Variants in WWOX observed in about 807,000 individuals in gnomAD.
WWOX encodes the protein WW domain containing oxidoreductase.
Under a neutral mutation model 46.2 loss-of-function variants are expected in WWOX, and 69 were observed. That is an observed-to-expected ratio of 1.49 (90% CI 1.23 to 1.82). The LOEUF (loss-of-function observed/expected upper bound fraction) is 1.82. Among genes scored for constraint, WWOX ranks in the 40% most tolerant of loss-of-function variants. WWOX has a pLI of 0.00. For missense variants in WWOX, 919 were observed against 542.6 expected, an observed-to-expected ratio of 1.69 and a Z score of -6.89; for synonymous variants, 359 against 202.6, an observed-to-expected ratio of 1.77 and a Z score of -6.56.
chr16:79,028,306 C>T (rs1336620807), intron 8 of WWOX, among the ~76,000 whole-genome samples: 2 of 151,780 alleles, frequency 1.3e-5, no homozygotes, highest in Admixed American at 6.6e-5. Flanking sequence ...ATGGAAAGTT[C>T]CCCTGGATGT....
At chr16:79,207,840 T>G (rs1333789390) in intron 8 of WWOX, among the ~76,000 whole-genome samples, 3 of 152,168 alleles carry the variant, frequency 2.0e-5, no homozygotes. Flanking sequence ...TACCCTTTCC[T>G]TTAAAGGAGT....
intron 8 of WWOX, among the ~76,000 whole-genome samples, chr16:79,076,891 T>G (rs2048667375): frequency 6.6e-6 from 1 of 152,258 alleles, no homozygotes; most frequent in African/African-American, 2.4e-5. Context: ...TATTGTTTTA[T>G]GCGTATTGTC....
chr16:78,350,406 C>T (rs1197273504), intron 5 of WWOX, among the ~76,000 whole-genome samples: 2 of 120,932 alleles, frequency 1.7e-5, no homozygotes, highest in Admixed American at 1.6e-4. Context: ...TTCATTTTCC[C>T]AAAAAGAAAC....
intron 8 of WWOX, among the ~76,000 whole-genome samples, chr16:79,092,770 G>A (rs1404768455): frequency 6.6e-6 from 1 of 152,062 alleles, no homozygotes; most frequent in Non-Finnish European, 1.5e-5. Flanking sequence ...TAATGTAAAC[G>A]TTGTTGAAAA....
intron 8 of WWOX, among the ~76,000 whole-genome samples, chr16:79,141,954 G>C (rs1046391506): frequency 1.3e-5 from 2 of 152,172 alleles, no homozygotes; most frequent in East Asian, 1.9e-4. Context: ...ATTGTGATAA[G>C]CCCGTCTAGC....
chr16:79,114,900 G>A (rs1206116273), intron 8 of WWOX, among the ~76,000 whole-genome samples: 1 of 152,188 alleles, frequency 6.6e-6, no homozygotes, highest in Non-Finnish European at 1.5e-5. Flanking sequence ...CAGCCCATTG[G>A]TGATGACACA....
chr16:78,511,224 C>T (rs190404553), intron 8 of WWOX, among the ~76,000 whole-genome samples: 1 of 152,202 alleles, frequency 6.6e-6, no homozygotes, highest in Non-Finnish European at 1.5e-5. Context: ...TTACCTCCCC[C>T]TCCCCAGCGC....
chr16:79,048,745 A>C (rs1180631102), intron 8 of WWOX, among the ~76,000 whole-genome samples: 1 of 152,096 alleles, frequency 6.6e-6, no homozygotes, highest in Admixed American at 6.5e-5. Context: ...CAGACCCAGC[A>C]CTCCGGCTGC....
chr16:78,307,713 C>T (rs1248108353), intron 5 of WWOX, among the ~76,000 whole-genome samples: 1 of 152,294 alleles, frequency 6.6e-6, no homozygotes, highest in African/African-American at 2.4e-5. Flanking sequence ...GAAACTCATA[C>T]AAGTATGAAT....
intron 8 of WWOX, among the ~76,000 whole-genome samples, chr16:78,578,254 T>TTTTATATATATATATATA (rs1462537260): frequency 6.3e-5 from 2 of 31,646 alleles, no homozygotes; most frequent in East Asian, 2.2e-3. Flanking sequence ...ATACCAAATT[T>TTTTATATATATATATATA]TATATATATA....
At chr16:79,131,990 A>G (rs1029302926) in intron 8 of WWOX, among the ~76,000 whole-genome samples, 1 of 152,070 alleles carries the variant, frequency 6.6e-6, no homozygotes, top group African/African-American at 2.4e-5. Context: ...ATAGTACAGG[A>G]AAGACCCACC....
chr16:78,315,282 CTG>C (rs926753285), intron 5 of WWOX, among the ~76,000 whole-genome samples: 1 of 152,166 alleles, frequency 6.6e-6, no homozygotes, highest in East Asian at 1.9e-4. Context: ...AGAAGTGAAA[CTG>C]TTTTTTTTCC....
At chr16:78,104,422 T>G (rs1259779565) in intron 1 of WWOX, among the ~76,000 whole-genome samples, 1 of 152,152 alleles carries the variant, frequency 6.6e-6, no homozygotes, top group African/African-American at 2.4e-5. Context: ...GAGGATCGCC[T>G]GAGCCCAGGA....
intron 6 of WWOX, among the ~76,000 whole-genome samples, chr16:78,410,973 C>T (rs1013225683): frequency 6.6e-6 from 1 of 152,134 alleles, no homozygotes; most frequent in Non-Finnish European, 1.5e-5. Context: ...CCTCAGTTCC[C>T]TGCCATGTGG....
At chr16:78,653,000 TA>T (rs1371691421) in intron 8 of WWOX, among the ~76,000 whole-genome samples, 2 of 152,200 alleles carry the variant, frequency 1.3e-5, no homozygotes, top group Non-Finnish European at 2.9e-5. Context: ...AAGAAAAATT[TA>T]GAAACTTGGA....
At position 78,756,971 on chromosome 16, in the gene WWOX, C is replaced by A; in HGVS notation, c.1056+324219C>A. The A allele has an allele frequency of 4.3e-6, 3 of 702,980 alleles. 1 individual carries two copies. The South Asian group carries it at 4.4e-5, about 10-fold the overall frequency. The allele number at this position is 702,980 out of a possible 1,614,324, so 43.5% of individuals were successfully genotyped here. On this transcript the variant is annotated intron_variant, in intron 8 of 8. Coordinates refer to ENST00000566780, the MANE Select transcript of WWOX (RefSeq NM_016373.4). ...CCAGCTGCCATGTTGGGAGGATACT[C>A]AAGCATACCCGTGTAGAAGAACTGA... is the stretch of plus-strand genomic sequence containing the variant.
At chr16:78,822,130 C>A (rs1484198875) in intron 8 of WWOX, among the ~76,000 whole-genome samples, 1 of 151,964 alleles carries the variant, frequency 6.6e-6, no homozygotes, top group African/African-American at 2.4e-5. Flanking sequence ...CTTGCCTTGG[C>A]CTCCCAAAGT....
chr16:78,356,746 G>C (rs376376343), intron 5 of WWOX, among the ~76,000 whole-genome samples: 1 of 152,164 alleles, frequency 6.6e-6, no homozygotes, highest in South Asian at 2.1e-4. Flanking sequence ...GCCGGGCATA[G>C]TGGCATGAGC....
intron 8 of WWOX, among the ~76,000 whole-genome samples, chr16:78,621,523 A>C (rs1237492571): frequency 6.7e-6 from 1 of 149,332 alleles, no homozygotes; most frequent in African/African-American, 2.5e-5. Flanking sequence ...TGGTAGTCTC[A>C]GAACTTGGCT....
Sources: gnomAD v4.1 joint callset for allele counts (sites outside exome capture counted in the v4.1 genomes callset) on GRCh38, gnomAD v4.1.1 for gene constraint, MANE v1.5 for transcripts, NCBI Gene and HGNC (gene_info 2026-07-23, HGNC 2026-07-21) for gene names.